GRM7: variants seen among roughly 807,000 people sequenced by gnomAD.
GRM7 encodes the protein glutamate metabotropic receptor 7.
In GRM7, 35 loss-of-function variants were observed where a neutral mutation model predicts 84.5. That is an observed-to-expected ratio of 0.41 (90% CI 0.32 to 0.55). The LOEUF (loss-of-function observed/expected upper bound fraction) is 0.55, where lower values mean the gene tolerates loss of function less well. Among genes scored for constraint, GRM7 ranks in the 20% least tolerant of loss-of-function variants. The pLI is 0.19. For synonymous variants in GRM7, 487 were observed against 455.1 expected (o/e 1.07, Z -0.89); for missense variants, 1,003 against 1,194.6 (o/e 0.84, Z 2.36).
chr3:7,672,081 C>T (rs943216070), intron 8 of GRM7, among the ~76,000 whole-genome samples: 5 of 151,874 alleles, frequency 3.3e-5, no homozygotes, highest in African/African-American at 4.8e-5. Context: ...TCCCCTGCCC[C>T]GGGGGGAGGG....
At chr3:7,013,171 C>T (rs1695442180) in intron 1 of GRM7, among the ~76,000 whole-genome samples, 1 of 150,580 alleles carries the variant, frequency 6.6e-6, no homozygotes, top group Non-Finnish European at 1.5e-5. Flanking sequence ...GAAAAAGAAA[C>T]TTAAATAAAT....
At chr3:7,003,673 G>A (rs1695087884) in intron 1 of GRM7, among the ~76,000 whole-genome samples, 1 of 152,206 alleles carries the variant, frequency 6.6e-6, no homozygotes, top group South Asian at 2.1e-4. Flanking sequence ...GCTAAGTGCA[G>A]AGTGATTGCT....
chr3:7,634,502 AG>A (rs769197594), intron 8 of GRM7, among the ~76,000 whole-genome samples: 2,165 of 70,020 alleles, frequency 0.031, 547 homozygotes, highest in Middle Eastern at 0.12. Flanking sequence ...AAAAAAAAAA[AG>A]GGCTGGGCTC....
At chr3:7,309,770 G>T (rs1252465086) in intron 4 of GRM7, among the ~76,000 whole-genome samples, 1 of 152,078 alleles carries the variant, frequency 6.6e-6, no homozygotes, top group Non-Finnish European at 1.5e-5. Context: ...TTAGCCAAGG[G>T]TGTCATTTCC....
rs776065020 is a variant in GRM7, at chr3:7,298,695, A to C, written c.748A>C (p.Ile250Leu). 6.2e-7 allele frequency: 1 copy of C among 1,613,512 alleles called. No individual in the cohort carries two copies. The highest frequency in any genetic ancestry group is 1.3e-5 in the African/African-American group (1 of 75,004). ...CTTCTCTTAAACAGGTGGACTCTGC[A>C]TTGCCCAGTCCGTGAGAATCCCCCA... Reference protein sequence around the residue: ...QISKEAGGLCIAQSVRIPQER... With the variant: ...QISKEAGGLCLAQSVRIPQER... The change falls in exon 3 of 10, where the codon ATT becomes CTT. Residue 250 changes from isoleucine (I) to leucine (L), a missense_variant. Physicochemically the swap from Ile to Leu is conservative, Grantham distance 5. Coordinates refer to ENST00000357716, the MANE Select transcript of GRM7 (RefSeq NM_000844.4).
chr3:7,565,357 T>C (rs1569284), intron 7 of GRM7, among the ~76,000 whole-genome samples: 88,767 of 151,610 alleles, frequency 0.59, 26,338 homozygotes, highest in East Asian at 0.78. Context: ...AGCATACACA[T>C]ATTAGTTGGG....
intron 2 of GRM7, among the ~76,000 whole-genome samples, chr3:7,248,894 C>A (rs1697874145): frequency 6.6e-6 from 1 of 152,094 alleles, no homozygotes; most frequent in Non-Finnish European, 1.5e-5. Context: ...CTTATTATCA[C>A]TTTTATCATC....
intron 1 of GRM7, among the ~76,000 whole-genome samples, chr3:7,020,106 C>G (rs1213022620): frequency 6.6e-6 from 1 of 152,152 alleles, no homozygotes; most frequent in African/African-American, 2.4e-5. Flanking sequence ...CTCAGCATCC[C>G]AAAGTGCTGG....
intron 9 of GRM7, among the ~76,000 whole-genome samples, chr3:7,684,168 T>C (rs558217501): frequency 6.6e-5 from 10 of 152,366 alleles, no homozygotes; most frequent in Non-Finnish European, 1.5e-4. Context: ...ATTATAATAT[T>C]CTGTTTAATG....
intron 9 of GRM7, among the ~76,000 whole-genome samples, chr3:7,707,930 A>ATTTTTTTTT (rs34344224): frequency 8.1e-6 from 1 of 123,688 alleles, no homozygotes; most frequent in Non-Finnish European, 1.7e-5. Flanking sequence ...GAAGCTTTCA[A>ATTTTTTTTT]TTTTTTTTTT....
chr3:7,645,002 A>C (rs1422201820), intron 8 of GRM7, among the ~76,000 whole-genome samples: 1 of 152,010 alleles, frequency 6.6e-6, no homozygotes, highest in Non-Finnish European at 1.5e-5. Flanking sequence ...CTTTCTGCAG[A>C]TGCCCTTTCA....
chr3:7,335,179 A>G (rs1276371178), intron 4 of GRM7, among the ~76,000 whole-genome samples: 4 of 152,128 alleles, frequency 2.6e-5, no homozygotes, highest in Admixed American at 1.3e-4. Context: ...ACAAGTCTCA[A>G]TAAGTTTAAG....
At chr3:7,233,163 T>A (rs1241719461) in intron 2 of GRM7, among the ~76,000 whole-genome samples, 4 of 152,192 alleles carry the variant, frequency 2.6e-5, no homozygotes, top group Non-Finnish European at 5.9e-5. Flanking sequence ...AGAATATATA[T>A]GTCCTAGTTT....
chr3:7,707,048 T>C (rs775813159), intron 9 of GRM7, among the ~76,000 whole-genome samples: 5 of 152,128 alleles, frequency 3.3e-5, no homozygotes, highest in African/African-American at 4.8e-5. Context: ...CAATACTGCA[T>C]TGAAATGAGA....
intron 1 of GRM7, among the ~76,000 whole-genome samples, chr3:7,052,233 A>G (rs1697032109): frequency 6.6e-6 from 1 of 151,674 alleles, no homozygotes. Flanking sequence ...CATGCTGGTA[A>G]AAACTATTTA....
chr3:7,153,133 AT>A (rs34465661), intron 2 of GRM7, among the ~76,000 whole-genome samples: 4,350 of 103,346 alleles, frequency 0.042, 138 homozygotes, highest in African/African-American at 0.1. Context: ...GGTACTGTGG[AT>A]TTTTTTTTTT....
At chr3:7,276,758 T>C (rs57631253) in intron 2 of GRM7, among the ~76,000 whole-genome samples, 1,364 of 13,500 alleles carry the variant, frequency 0.1, 46 homozygotes, top group African/African-American at 0.23. Context: ...TTTCTTTCTC[T>C]CTTTCTCCCT....
chr3:6,946,460 T>G (rs1452229714), intron 1 of GRM7, among the ~76,000 whole-genome samples: 1 of 152,222 alleles, frequency 6.6e-6, no homozygotes, highest in Admixed American at 6.5e-5. Flanking sequence ...TTGGTTACTG[T>G]AGCCCTGTAG....
chr3:7,714,420 C>T (rs1264387677), intron 9 of GRM7, among the ~76,000 whole-genome samples: 4 of 152,268 alleles, frequency 2.6e-5, no homozygotes, highest in East Asian at 1.9e-4. Context: ...ATAAACAGAA[C>T]TTGACAAAGA....
Sources: allele counts gnomAD v4.1 joint callset (sites outside exome capture counted in the v4.1 genomes callset), GRCh38; gene constraint gnomAD v4.1.1; transcripts MANE v1.5; gene names NCBI Gene and HGNC (gene_info 2026-07-23, HGNC 2026-07-21).